The following MYO1H variants were observed in gnomAD, a reference collection of about 807,000 sequenced individuals.
MYO1H encodes myosin IH, also known as unconventional myosin-Ih.
A neutral mutation model predicts 149.3 loss-of-function variants in MYO1H; 118 were observed. The observed-to-expected ratio is 0.79, with a 90% CI of 0.68 to 0.92. MYO1H has a LOEUF of 0.92. Ranked by LOEUF, MYO1H falls within the 40% of genes least tolerant of loss-of-function variation. The pLI is 0.00. For missense variants in MYO1H, 1,212 were observed against 1,280.7 expected, an observed-to-expected ratio of 0.95 and a Z score of 0.82; for synonymous variants, 447 against 465.2, an observed-to-expected ratio of 0.96 and a Z score of 0.50.
chr12:109,433,284 C>A (rs759425989), intron 20 of MYO1H, among the ~76,000 whole-genome samples: 5 of 152,144 alleles, frequency 3.3e-5, no homozygotes, highest in African/African-American at 9.7e-5. Context: ...AAAGAGGGAA[C>A]CAGAGGGGGC....
intron 1 of MYO1H, among the ~76,000 whole-genome samples, chr12:109,358,735 T>A (rs968972822): frequency 8.6e-5 from 13 of 151,992 alleles, no homozygotes; most frequent in Non-Finnish European, 1.3e-4. Context: ...CATGAGCGTT[T>A]TAGGTCTGTA....
chr12:109,401,048 T>A, intron 5 of MYO1H, 45 bp from the exon 6 acceptor site: 1 of 1,552,188 alleles, frequency 6.4e-7, no homozygotes, highest in South Asian at 1.2e-5. Context: ...AGGAAGAGAG[T>A]GGTTTGATTG....
chr12:109,419,200 AC>A (rs1871062587), intron 15 of MYO1H, among the ~76,000 whole-genome samples: 1 of 152,078 alleles, frequency 6.6e-6, no homozygotes, highest in African/African-American at 2.4e-5. Context: ...ACACACACAC[AC>A]ACACACACAC....
At chr12:109,421,416 C>G (rs1479101178) in intron 16 of MYO1H, among the ~76,000 whole-genome samples, 2 of 152,130 alleles carry the variant, frequency 1.3e-5, no homozygotes, top group Non-Finnish European at 2.9e-5. Context: ...TTGAAGGGGA[C>G]ATTTTTAATT....
At chr12:109,415,033 A>G (rs550931085) in intron 14 of MYO1H, among the ~76,000 whole-genome samples, 1 of 152,262 alleles carries the variant, frequency 6.6e-6, no homozygotes, top group South Asian at 2.1e-4. Flanking sequence ...TTTTAAAGAA[A>G]TCTTGGTCTA....
the MYO1H span, among the ~76,000 whole-genome samples, chr12:109,317,605 G>A: frequency 6.6e-6 from 1 of 152,098 alleles, no homozygotes; most frequent in Non-Finnish European, 1.5e-5. Context: ...CCTTTTTGAT[G>A]TAGGGCTCAC....
At chr12:109,350,535 C>T (rs953416458) in intron 1 of MYO1H, among the ~76,000 whole-genome samples, 1 of 152,202 alleles carries the variant, frequency 6.6e-6, no homozygotes, top group Non-Finnish European at 1.5e-5. Context: ...CCTCCCCAGC[C>T]ACGTGGAACT....
the MYO1H span, among the ~76,000 whole-genome samples, chr12:109,325,526 A>C: frequency 6.6e-6 from 1 of 152,250 alleles, no homozygotes; most frequent in Non-Finnish European, 1.5e-5. Context: ...ACGCATAGGC[A>C]AAGACTTCAT....
At chr12:109,362,589 A>C (rs1455475124) in intron 1 of MYO1H, among the ~76,000 whole-genome samples, 1 of 152,244 alleles carries the variant, frequency 6.6e-6, no homozygotes, top group East Asian at 1.9e-4. Flanking sequence ...AAGAGGGGAC[A>C]GTCATGCAGA....
At chr12:109,375,803 C>T (rs1869075861) in intron 1 of MYO1H, among the ~76,000 whole-genome samples, 1 of 152,058 alleles carries the variant, frequency 6.6e-6, no homozygotes, top group Non-Finnish European at 1.5e-5. Context: ...TATGGCAAAA[C>T]CCTTTCTCTA....
At chr12:109,351,187 C>A (rs1053375149) in intron 1 of MYO1H, among the ~76,000 whole-genome samples, 32 of 152,012 alleles carry the variant, frequency 2.1e-4, no homozygotes, top group African/African-American at 6.8e-4. Flanking sequence ...ATTTCAGAGA[C>A]CTTTATTTTT....
chr12:109,399,881 T>C (rs137953161), intron 5 of MYO1H, among the ~76,000 whole-genome samples: 5,549 of 152,108 alleles, frequency 0.036, 125 homozygotes, highest in Middle Eastern at 0.065. Context: ...GGCCACAGCA[T>C]TCCAGCCTGG....
In MYO1H at chr12:109,395,133, C is replaced by T. The variant is rs112710959; in HGVS notation, c.291-1251C>T. Among the ~76,000 whole-genome samples the T allele has an allele frequency of 2.4e-3, 372 of 152,310 alleles. 3 individuals carry two copies. The highest frequency in any genetic ancestry group is 8.6e-3 in the African/African-American group (356 of 41,568). On this transcript the variant is annotated intron_variant, in intron 3 of 31. Coordinates refer to ENST00000310903, the Ensembl canonical transcript of MYO1H. ...GTATTCAGGTTATATTCCTGGGATA[C>T]CTTCATGCTTTGGTGTCTGATCTTG...
chr12:109,404,109 T>C (rs774118815), intron 7 of MYO1H, 29 bp downstream of exon 7: 9 of 1,518,846 alleles, frequency 5.9e-6, no homozygotes, highest in African/African-American at 1.4e-5. Context: ...GAACTGATAG[T>C]TCCCCCTGGG....
At chr12:109,378,815 G>A (rs73190700) in intron 1 of MYO1H, among the ~76,000 whole-genome samples, 7,114 of 152,086 alleles carry the variant, frequency 0.047, 240 homozygotes, top group Non-Finnish European at 0.067. Context: ...GATAGGGGTG[G>A]GTGTGAAGTG....
At chr12:109,352,019 C>G (rs1299735111) in intron 1 of MYO1H, among the ~76,000 whole-genome samples, 1 of 152,128 alleles carries the variant, frequency 6.6e-6, no homozygotes, top group Admixed American at 6.6e-5. Flanking sequence ...ATGCTTTGCT[C>G]TCTTTGCTTC....
At chr12:109,401,401 T>A in intron 6 of MYO1H, 129 bp downstream of exon 6, 1 of 909,494 alleles carries the variant, frequency 1.1e-6, no homozygotes, top group Admixed American at 3.0e-5. Context: ...GGCTGATTTC[T>A]CCATATATAT....
chr12:109,400,649 C>T (rs1242552199), intron 5 of MYO1H, among the ~76,000 whole-genome samples: 1 of 152,044 alleles, frequency 6.6e-6, no homozygotes. Context: ...GACAATGGAT[C>T]AGAATAAAGT....
rs1566044767 is a variant in MYO1H at position 109,443,059 on chromosome 12, C to CGTATGTGTGTATATATGTGTAT, written c.2689-434_2689-433insTGTATGTGTGTATATATGTGTA. ...GTGTGTGTGTGTGTATATATGTGTA[C>CGTATGTGTGTATATATGTGTAT]GTATGTGTGTATATATGTGTACGTA... is the stretch of plus-strand genomic sequence containing the variant. On this transcript the variant is annotated intron_variant, in intron 27 of 31. Transcript: ENST00000310903. 1.4e-3 allele frequency among the ~76,000 whole-genome samples: 58 copies of CGTATGTGTGTATATATGTGTAT among 41,354 alleles called. 11 individuals carry two copies. Among genetic ancestry groups the CGTATGTGTGTATATATGTGTAT allele is most frequent in the Admixed American group, 2.6e-3 (13 of 4,958 alleles). The allele number at this position is 41,354 out of a possible 152,430, so 27.1% of individuals were successfully genotyped here. A position where few individuals can be genotyped will look rare whatever the true frequency, so the allele number is the denominator to read the frequency against.
Sources: gnomAD v4.1 joint callset for allele counts (sites outside exome capture counted in the v4.1 genomes callset) on GRCh38, gnomAD v4.1.1 for gene constraint, MANE v1.5 for transcripts, NCBI Gene and HGNC (gene_info 2026-07-23, HGNC 2026-07-21) for gene names.